FRMD3: variants seen among roughly 807,000 people sequenced by gnomAD.
FRMD3 encodes the protein FERM domain containing 3.
Under a neutral mutation model 70.2 loss-of-function variants are expected in FRMD3, and 33 were observed. That is an observed-to-expected ratio of 0.47 (90% CI 0.36 to 0.63). FRMD3 has a LOEUF of 0.63. Ranked by LOEUF, FRMD3 falls within the 20% of genes least tolerant of loss-of-function variation. The pLI, the probability that FRMD3 is intolerant of heterozygous loss-of-function variation, is 0.00. For missense variants in FRMD3, 632 were observed against 711.4 expected (o/e 0.89, Z 1.27); for synonymous variants, 279 against 255.9 (o/e 1.09, Z -0.86).
intron 1 of FRMD3, among the ~76,000 whole-genome samples, chr9:83,452,111 G>A (rs1201379270): frequency 2.0e-5 from 3 of 152,174 alleles, no homozygotes; most frequent in East Asian, 1.9e-4. Context: ...CATGCTGATG[G>A]GGGAACAAAT....
At chr9:83,344,362 ATT>A (rs34329409) in intron 4 of FRMD3, among the ~76,000 whole-genome samples, 126,258 of 152,070 alleles carry the variant, frequency 0.83, 52,696 homozygotes, top group East Asian at 1. Context: ...TGTGAGGTTA[ATT>A]TTTTATGTGT....
At chr9:83,373,241 C>T (rs1825037571) in intron 2 of FRMD3, among the ~76,000 whole-genome samples, 1 of 152,130 alleles carries the variant, frequency 6.6e-6, no homozygotes, top group South Asian at 2.1e-4. Flanking sequence ...TTCTAGTACC[C>T]CTAATTGACT....
At chr9:83,579,388 T>C in the FRMD3 span, among the ~76,000 whole-genome samples, 1 of 151,294 alleles carries the variant, frequency 6.6e-6, no homozygotes, top group Non-Finnish European at 1.5e-5. Context: ...TAGTATGTTA[T>C]AAAGCTATTG....
chr9:83,437,086 C>T (rs1347436371), intron 1 of FRMD3, among the ~76,000 whole-genome samples: 2 of 152,202 alleles, frequency 1.3e-5, no homozygotes, highest in African/African-American at 4.8e-5. Context: ...AGGTGCTCTT[C>T]CAAGGTGACA....
chr9:83,533,717 T>G (rs11140141), intron 1 of FRMD3, among the ~76,000 whole-genome samples: 40,653 of 152,078 alleles, frequency 0.27, 6,165 homozygotes, highest in East Asian at 0.45. Context: ...GCGGTGAACA[T>G]CAGAATGTTC....
chr9:83,311,288 A>G (rs766563941), intron 8 of FRMD3, among the ~76,000 whole-genome samples: 2 of 45,070 alleles, frequency 4.4e-5, no homozygotes, highest in East Asian at 2.9e-3. Context: ...AATGGCAGAG[A>G]AAAAAAAAAA....
intron 1 of FRMD3, among the ~76,000 whole-genome samples, chr9:83,456,090 A>G (rs748721970): frequency 6.6e-6 from 1 of 152,246 alleles, no homozygotes; most frequent in Admixed American, 6.5e-5. Flanking sequence ...TAGGTAACCA[A>G]TGTAACTTCT....
chr9:83,569,967 G>A, the FRMD3 span, among the ~76,000 whole-genome samples: 1 of 152,172 alleles, frequency 6.6e-6, no homozygotes, highest in Non-Finnish European at 1.5e-5. Context: ...TCTCCAGAAT[G>A]TCGGATTCTG....
At chr9:83,380,090 A>ATGGTTT (rs1825310018) in intron 2 of FRMD3, among the ~76,000 whole-genome samples, 1 of 152,048 alleles carries the variant, frequency 6.6e-6, no homozygotes, top group African/African-American at 2.4e-5. Flanking sequence ...CTAACTCTCC[A>ATGGTTT]CTAAAAGCTG....
chr9:83,305,000 G>A (rs887899939), intron 10 of FRMD3, among the ~76,000 whole-genome samples: 2 of 152,202 alleles, frequency 1.3e-5, no homozygotes, highest in African/African-American at 4.8e-5. Flanking sequence ...AACCAGCAGC[G>A]CATTTGCGTC....
chr9:83,299,041 A>G, intron 11 of FRMD3, 71 bp downstream of exon 11: 1 of 1,183,834 alleles, frequency 8.4e-7, no homozygotes, highest in East Asian at 2.3e-5. Context: ...ACTTATTTGC[A>G]AGCAGAATTT....
chr9:83,555,976 GTTGTC>G, the FRMD3 span, among the ~76,000 whole-genome samples: 6 of 152,314 alleles, frequency 3.9e-5, no homozygotes, highest in East Asian at 1.2e-3. Flanking sequence ...CAGGTGAGCT[GTTGTC>G]TTGTCTTGCT....
intron 1 of FRMD3, among the ~76,000 whole-genome samples, chr9:83,404,611 A>T (rs1157835684): frequency 6.6e-6 from 1 of 152,216 alleles, no homozygotes; most frequent in Non-Finnish European, 1.5e-5. Context: ...CATTTAAGAC[A>T]AATATAAAAT....
chr9:83,539,259 G>A (rs1200280787), upstream of FRMD3, among the ~76,000 whole-genome samples: 1 of 152,182 alleles, frequency 6.6e-6, no homozygotes, highest in Non-Finnish European at 1.5e-5. Context: ...TTCCCCACGC[G>A]CCTCCAGGGT....
chr9:83,522,397 G>T (rs747826933), intron 1 of FRMD3, among the ~76,000 whole-genome samples: 17 of 152,086 alleles, frequency 1.1e-4, no homozygotes, highest in African/African-American at 3.9e-4. Context: ...AGCGGCTGGG[G>T]GGGCAGGGAG....
intron 1 of FRMD3, among the ~76,000 whole-genome samples, chr9:83,519,385 GA>G (rs1194989662): frequency 6.6e-6 from 1 of 152,026 alleles, no homozygotes; most frequent in African/African-American, 2.4e-5. Flanking sequence ...CCAAACACAT[GA>G]AAAAAAGCTC....
At chr9:83,296,575 T>C (rs1193298567) in intron 12 of FRMD3, among the ~76,000 whole-genome samples, 1 of 152,164 alleles carries the variant, frequency 6.6e-6, no homozygotes, top group Non-Finnish European at 1.5e-5. Flanking sequence ...CAAAGAACCA[T>C]GGAGGCATCC....
intron 3 of FRMD3, among the ~76,000 whole-genome samples, chr9:83,364,726 T>TA (rs1050470183): frequency 5.3e-5 from 8 of 152,224 alleles, no homozygotes; most frequent in Non-Finnish European, 1.2e-4. Context: ...AATTTTTACC[T>TA]AAAACTTTTA....
At chr9:83,308,812 A>C (rs1390606641) in intron 10 of FRMD3, among the ~76,000 whole-genome samples, 1 of 152,136 alleles carries the variant, frequency 6.6e-6, no homozygotes, top group Non-Finnish European at 1.5e-5. Flanking sequence ...TCTTACTATG[A>C]ACACAGGTGA....
Sources: allele counts gnomAD v4.1 joint callset (sites outside exome capture counted in the v4.1 genomes callset), GRCh38; gene constraint gnomAD v4.1.1; transcripts MANE v1.5; gene names NCBI Gene and HGNC (gene_info 2026-07-23, HGNC 2026-07-21).